The following TMEM132D variants were observed in gnomAD, a reference collection of about 807,000 sequenced individuals.
TMEM132D encodes the protein transmembrane protein 132D.
A neutral mutation model predicts 62.3 loss-of-function variants in TMEM132D; 21 were observed. That is an observed-to-expected ratio of 0.34 (90% confidence interval 0.24 to 0.49). The LOEUF (loss-of-function observed/expected upper bound fraction) is 0.49. Ranked by LOEUF, TMEM132D falls within the 20% of genes least tolerant of loss-of-function variation. The pLI is 0.99. For missense variants in TMEM132D, 1,346 were observed against 1,402.8 expected (o/e 0.96, Z 0.65); for synonymous variants, 621 against 575.6 (o/e 1.08, Z -1.13).
chr12:129,323,343 G>T (rs1262920844), intron 4 of TMEM132D, among the ~76,000 whole-genome samples: 1 of 152,048 alleles, frequency 6.6e-6, no homozygotes, highest in African/African-American at 2.4e-5. Context: ...TAGAGAAATT[G>T]ATATAAATCC....
intron 3 of TMEM132D, among the ~76,000 whole-genome samples, chr12:129,341,807 A>G (rs1290228985): frequency 6.6e-6 from 1 of 152,214 alleles, no homozygotes; most frequent in Non-Finnish European, 1.5e-5. Context: ...CCAAATCATG[A>G]GTGAACTCCC....
intron 4 of TMEM132D, among the ~76,000 whole-genome samples, chr12:129,255,697 C>T (rs112203503): frequency 0.01 from 1,550 of 152,292 alleles, 23 homozygotes; most frequent in African/African-American, 0.032. Context: ...AAACCCATCC[C>T]ATCTCTGTTC....
intron 4 of TMEM132D, among the ~76,000 whole-genome samples, chr12:129,273,585 C>T (rs1327216815): frequency 6.6e-6 from 1 of 151,790 alleles, no homozygotes; most frequent in Non-Finnish European, 1.5e-5. Context: ...ATTATGCAGC[C>T]ATAACAGAGA....
chr12:129,610,801 C>G (rs1400139733), intron 2 of TMEM132D, among the ~76,000 whole-genome samples: 1 of 151,978 alleles, frequency 6.6e-6, no homozygotes, highest in Admixed American at 6.5e-5. Flanking sequence ...GAACTTGTTC[C>G]TAGGACATAT....
chr12:129,403,507 C>A (rs928120704), intron 3 of TMEM132D, among the ~76,000 whole-genome samples: 1 of 151,822 alleles, frequency 6.6e-6, no homozygotes, highest in African/African-American at 2.4e-5. Flanking sequence ...TCAGCTCACA[C>A]ACAATTTTGG....
chr12:129,195,518 A>G (rs1878523427), intron 5 of TMEM132D, among the ~76,000 whole-genome samples: 1 of 152,018 alleles, frequency 6.6e-6, no homozygotes, highest in Non-Finnish European at 1.5e-5. Context: ...GGGGTGGGGG[A>G]CAAGATCAAA....
intron 4 of TMEM132D, among the ~76,000 whole-genome samples, chr12:129,227,780 AAT>A (rs1463596069): frequency 6.6e-6 from 1 of 151,734 alleles, no homozygotes; most frequent in African/African-American, 2.4e-5. Context: ...CCTGGTGTGT[AAT>A]GTTCCCCTTC....
intron 1 of TMEM132D, among the ~76,000 whole-genome samples, chr12:129,785,855 A>C (rs1871235559): frequency 6.6e-6 from 1 of 152,212 alleles, no homozygotes; most frequent in African/African-American, 2.4e-5. Flanking sequence ...GTCAGTATTT[A>C]AGCCAACTCT....
At chr12:129,613,034 C>T (rs755906390) in intron 2 of TMEM132D, among the ~76,000 whole-genome samples, 2 of 152,188 alleles carry the variant, frequency 1.3e-5, no homozygotes, top group African/African-American at 2.4e-5. Flanking sequence ...ACAATTCCGT[C>T]CTGAGCCCAT....
intron 4 of TMEM132D, among the ~76,000 whole-genome samples, chr12:129,319,271 G>A (rs1260818044): frequency 2.6e-5 from 4 of 152,206 alleles, no homozygotes; most frequent in Non-Finnish European, 5.9e-5. Flanking sequence ...CGAGCTCCCA[G>A]GGCCTTTCTG....
intron 3 of TMEM132D, among the ~76,000 whole-genome samples, chr12:129,412,786 G>A (rs571639153): frequency 6.6e-6 from 1 of 152,324 alleles, no homozygotes. Flanking sequence ...CCTGGAGGCA[G>A]AGGTTGCAGT....
At chr12:129,390,204 C>T (rs1473070237) in intron 3 of TMEM132D, among the ~76,000 whole-genome samples, 3 of 152,208 alleles carry the variant, frequency 2.0e-5, no homozygotes, top group Non-Finnish European at 4.4e-5. Flanking sequence ...GGCCCACGGG[C>T]CAGTTCGGGT....
intron 5 of TMEM132D, among the ~76,000 whole-genome samples, chr12:129,137,890 G>GTT (rs10665290): frequency 0.23 from 34,246 of 149,966 alleles, 3,997 homozygotes; most frequent in South Asian, 0.33. Flanking sequence ...CAAATAAGAG[G>GTT]TTTTTTTTTT....
At chr12:129,382,097 C>T (rs1870970231) in intron 3 of TMEM132D, among the ~76,000 whole-genome samples, 1 of 152,152 alleles carries the variant, frequency 6.6e-6, no homozygotes, top group African/African-American at 2.4e-5. Flanking sequence ...ATTTCAGCAG[C>T]AAGTGAAATT....
intron 4 of TMEM132D, among the ~76,000 whole-genome samples, chr12:129,282,452 C>T (rs1881183015): frequency 6.6e-6 from 1 of 152,206 alleles, no homozygotes; most frequent in African/African-American, 2.4e-5. Flanking sequence ...AAAGTCCTCA[C>T]ATCTGTAGAT....
chr12:129,700,277 G>A lies in TMEM132D; in HGVS notation c.501C>T (p.Cys167=), dbSNP rs1387097191. The part of the protein sequence containing the change: ...DDRSAGEKLP[C]LRVFAFRETR... ...TCTCTCGGAAAGCAAAGACCCTCAG[G>A]CACGGCAGCTTCTCCCCGGCGCTGC... is the stretch of plus-strand genomic sequence containing the variant. The change falls in exon 2 of 9, where the codon TGC becomes TGT. Residue 167 remains cysteine, a synonymous_variant. Coordinates refer to ENST00000422113, the MANE Select transcript of TMEM132D (RefSeq NM_133448.3). 1 of 1,613,448 alleles carries A rather than the reference G, an allele frequency of 6.2e-7. No homozygotes were observed. The highest frequency in any genetic ancestry group is 8.5e-7 in the Non-Finnish European group (1 of 1,180,000).
intron 3 of TMEM132D, among the ~76,000 whole-genome samples, chr12:129,486,982 C>A (rs1874600005): frequency 6.6e-6 from 1 of 151,068 alleles, no homozygotes; most frequent in African/African-American, 2.4e-5. Flanking sequence ...ATACGAGAGG[C>A]CTGTATTGCA....
At chr12:129,247,722 AG>A (rs961848853) in intron 4 of TMEM132D, among the ~76,000 whole-genome samples, 3 of 152,222 alleles carry the variant, frequency 2.0e-5, no homozygotes, top group Non-Finnish European at 4.4e-5. Context: ...TAATGTTAAT[AG>A]GGGGGTGCCC....
Position 129,622,701 on chromosome 12 carries a change from C to A in TMEM132D, c.968+77109G>T, listed in dbSNP as rs74541068. Among the ~76,000 whole-genome samples, 1,478 of 152,282 alleles carry A rather than the reference C, an allele frequency of 9.7e-3. 13 individuals carry two copies. The highest frequency in any genetic ancestry group is 0.036 in the East Asian group (184 of 5,174). ...TTGGTTTCATCTACGTAGAACCTGG[C>A]GGGGACCATCCACTTCTTTTCCATG... On this transcript the variant is annotated intron_variant, in intron 2 of 8. Transcript: ENST00000422113.
Sources: allele counts gnomAD v4.1 joint callset (sites outside exome capture counted in the v4.1 genomes callset), GRCh38; gene constraint gnomAD v4.1.1; transcripts MANE v1.5; gene names NCBI Gene and HGNC (gene_info 2026-07-23, HGNC 2026-07-21).